The following ENPP3 variants were observed in gnomAD, a reference collection of about 807,000 sequenced individuals.
The protein encoded by ENPP3 is ectonucleotide pyrophosphatase/phosphodiesterase family member 3.
ENPP3 carries 104 observed loss-of-function variants against 117.8 expected under a neutral mutation model. That is an observed-to-expected ratio of 0.88 (90% confidence interval 0.75 to 1.04). The LOEUF is 1.04. Among genes scored for constraint, ENPP3 ranks in the 50% least tolerant of loss-of-function variants. ENPP3 has a pLI of 0.00. For synonymous variants in ENPP3, 380 were observed against 349.9 expected (o/e 1.09, Z -0.96); for missense variants, 1,026 against 1,051.9 (o/e 0.98, Z 0.34).
chr6:131,676,663 C>A, intron 9 of ENPP3, 73 bp from the exon 10 acceptor site: 1 of 1,010,564 alleles, frequency 9.9e-7, no homozygotes, highest in South Asian at 1.3e-5. Context: ...ATTAAACTTT[C>A]TGAATAGGAA....
At chr6:131,744,959 C>T (rs114630382) in intron 24 of ENPP3, among the ~76,000 whole-genome samples, 18 of 152,032 alleles carry the variant, frequency 1.2e-4, no homozygotes, top group Non-Finnish European at 2.5e-4. Flanking sequence ...TTGGTGCCAG[C>T]GACTTACTCA....
At chr6:131,724,137 C>A (rs141977222) in intron 19 of ENPP3, 46 bp downstream of exon 19, 4 of 1,359,604 alleles carry the variant, frequency 2.9e-6, no homozygotes, top group Non-Finnish European at 4.2e-6. Flanking sequence ...TTAGACCTAA[C>A]AAAACACAAT....
At chr6:131,653,922 G>A (rs371800280) in intron 5 of ENPP3, among the ~76,000 whole-genome samples, 7 of 151,826 alleles carry the variant, frequency 4.6e-5, no homozygotes, top group Admixed American at 1.3e-4. Flanking sequence ...GGGCTGCTCC[G>A]CTGACTGCCA....
At chr6:131,721,001 C>A (rs1021594427) in intron 17 of ENPP3, among the ~76,000 whole-genome samples, 1 of 152,082 alleles carries the variant, frequency 6.6e-6, no homozygotes, top group African/African-American at 2.4e-5. Context: ...CAAAGCAAGA[C>A]AAACTTACCT....
chr6:131,664,048 G>A lies in ENPP3; in HGVS notation c.562+5628G>A, dbSNP rs1305531308. Among the ~76,000 whole-genome samples, 11 of 152,268 alleles carry A rather than the reference G, an allele frequency of 7.2e-5. No individual in the cohort carries two copies. In the East Asian group the frequency reaches 1.4e-3, roughly 19 times the overall value. ...CAAGCTTATACTATACTTATACTTT[G>A]TACATTATTTTAGAGTGTACTACTA... On this transcript the variant is annotated intron_variant, in intron 6 of 24. Transcript: ENST00000357639.
At chr6:131,650,253 T>C (rs1254787091) in intron 3 of ENPP3, 104 bp downstream of exon 3, 5 of 1,274,742 alleles carry the variant, frequency 3.9e-6, no homozygotes, top group Non-Finnish European at 5.6e-6. Context: ...AGAGTGTCAC[T>C]CTGTTGCCTA....
intron 11 of ENPP3, among the ~76,000 whole-genome samples, chr6:131,679,963 G>T (rs1778987815): frequency 6.6e-6 from 1 of 152,202 alleles, no homozygotes; most frequent in Non-Finnish European, 1.5e-5. Flanking sequence ...GCCCAGAGAA[G>T]GAGTCAGGCA....
chr6:131,660,268 T>C (rs1480541647), intron 6 of ENPP3, among the ~76,000 whole-genome samples: 1 of 152,144 alleles, frequency 6.6e-6, no homozygotes. Flanking sequence ...GCCTTGCTAT[T>C]AAGGGAGCCC....
At chr6:131,735,436 G>A (rs1780374593) in intron 21 of ENPP3, among the ~76,000 whole-genome samples, 1 of 151,932 alleles carries the variant, frequency 6.6e-6, no homozygotes, top group African/African-American at 2.4e-5. Context: ...CTTGTCTTTT[G>A]GTGCCTACTT....
At chr6:131,682,996 C>T (rs763551863) in intron 11 of ENPP3, 58 bp from the exon 12 acceptor site, 31 of 1,016,968 alleles carry the variant, frequency 3.0e-5, no homozygotes, top group Admixed American at 7.1e-5. Flanking sequence ...CATTAGATAA[C>T]GGTTTGGCTA....
chr6:131,747,004 G>T lies in ENPP3; in HGVS notation c.*48G>T. ...ATAATTTACTGTATAAAGTAATTTT[G>T]GCAAAATATAAGTGATTTTTTTCTG... On this transcript the variant is annotated 3_prime_UTR_variant, in exon 25 of 25. Transcript: ENST00000357639. 9.2e-7 allele frequency: 1 copy of T among 1,089,150 alleles called. No homozygotes were observed. The highest frequency in any genetic ancestry group is 2.4e-5 in the South Asian group (1 of 41,244). 67.5% of individuals were successfully genotyped at this position (1,089,150 alleles called of 1,614,324 possible).
rs917719564 is a variant in ENPP3 at position 131,659,640 on chromosome 6, AAGAT to A, written c.562+1225_562+1228del. On this transcript the variant is annotated intron_variant, in intron 6 of 24. Coordinates refer to ENST00000357639, the MANE Select transcript of ENPP3 (RefSeq NM_005021.5). ...CAGCCCCAAATGCCATGGTTGTAGG[AAGAT>A]AGATCACTACTTCCTGCAACTCAAG... Among the ~76,000 whole-genome samples, 9 of 152,304 alleles carry A rather than the reference AAGAT, an allele frequency of 5.9e-5. No individual in the cohort carries two copies. In the East Asian group the frequency reaches 1.5e-3, roughly 26 times the overall value.
chr6:131,746,945 A>T lies in ENPP3; in HGVS notation c.2617A>T (p.Thr873Ser), dbSNP rs1446141419. The T allele has an allele frequency of 6.3e-7, 1 of 1,594,170 alleles. No homozygotes were observed. Among genetic ancestry groups the T allele is most frequent in the East Asian group, 2.2e-5 (1 of 44,602 alleles). ...QLKTYLPTFE[T>S]TI ...AAAGACATATTTACCAACATTTGAA[A>T]CCACTATTTAACTTAATAATGTCTA... The change falls in exon 25 of 25, where the codon ACC (threonine) becomes TCC (serine). Residue 873 changes from threonine (T) to serine (S), a missense_variant. Coordinates refer to ENST00000357639, the MANE Select transcript of ENPP3 (RefSeq NM_005021.5).
intron 1 of ENPP3, chr6:131,638,405 A>G (rs1334294480): frequency 2.5e-6 from 1 of 397,872 alleles, no homozygotes; most frequent in Non-Finnish European, 4.9e-6. Flanking sequence ...AAGAAATCTC[A>G]TGTTCTCTAA....
intron 14 of ENPP3, 50 bp from the exon 15 acceptor site, chr6:131,693,446 AT>A (rs1443464731): frequency 6.6e-7 from 1 of 1,524,818 alleles, no homozygotes; most frequent in Non-Finnish European, 8.9e-7. Context: ...AACTTTTAAA[AT>A]TAATTTGCAT....
In ENPP3 at chr6:131,645,527, A is replaced by G. The variant is rs556587552; in HGVS notation, c.154+3997A>G. ...TTGTGTTAGATCCCATGATTTTAAA[A>G]TCTCTTTCTTCTTGTTTCATTTTCT... On this transcript the variant is annotated intron_variant, in intron 2 of 24. Transcript: ENST00000357639. Among the ~76,000 whole-genome samples, 10 of 152,222 alleles carry G rather than the reference A, an allele frequency of 6.6e-5. No individual in the cohort carries two copies. The East Asian group carries it at 1.9e-3, about 29-fold the overall frequency.
At position 131,737,373 on chromosome 6, in the gene ENPP3, A is replaced by G. The variant is rs1483809392; in HGVS notation, c.2108A>G (p.Asp703Gly). 1 of 1,609,000 alleles carries G rather than the reference A, an allele frequency of 6.2e-7. No individual in the cohort carries two copies. The highest frequency in any genetic ancestry group is 1.1e-5 in the South Asian group (1 of 90,594). The change falls in exon 22 of 25, where the codon GAT becomes GGT. Residue 703 changes from aspartate to glycine, a missense_variant. Asp to Gly is a moderately conservative substitution (Grantham distance 94). Transcript: ENST00000357639. Reference sequence around the variant, plus strand: ...TTTGCAGCCAGCAATAGAACATCAGATAGCCAATATGATGCTTTAATTACT... The same window carrying G: ...TTTGCAGCCAGCAATAGAACATCAGGTAGCCAATATGATGCTTTAATTACT... Reference protein sequence around the residue: ...LYPPASNRTSDSQYDALITSN... With the variant: ...LYPPASNRTSGSQYDALITSN...
chr6:131,727,790 G>C (rs1780190566), intron 20 of ENPP3, among the ~76,000 whole-genome samples: 2 of 152,142 alleles, frequency 1.3e-5, no homozygotes, highest in African/African-American at 4.8e-5. Context: ...TCAGGGAGCT[G>C]TTTCTGTAGA....
chr6:131,694,796 T>C (rs1779364665), intron 15 of ENPP3, among the ~76,000 whole-genome samples: 1 of 147,986 alleles, frequency 6.8e-6, no homozygotes, highest in South Asian at 2.1e-4. Flanking sequence ...ATCGCACCAC[T>C]GCACTCCAGC....
Sources: allele counts gnomAD v4.1 joint callset (sites outside exome capture counted in the v4.1 genomes callset), GRCh38; gene constraint gnomAD v4.1.1; transcripts MANE v1.5; gene names NCBI Gene and HGNC (gene_info 2026-07-23, HGNC 2026-07-21).